SMOC2: variants seen among roughly 807,000 people sequenced by gnomAD.
SMOC2 encodes SPARC-related modular calcium-binding protein 2.
SMOC2 carries 39 observed loss-of-function variants against 61.4 expected under a neutral mutation model. That is an observed-to-expected ratio of 0.64 (90% CI 0.49 to 0.83). The LOEUF is 0.83. Ranked by LOEUF, SMOC2 falls within the 40% of genes least tolerant of loss-of-function variation. The pLI is 0.00. For synonymous variants in SMOC2, 247 were observed against 239.9 expected (o/e 1.03, Z -0.27); for missense variants, 556 against 592.9 (o/e 0.94, Z 0.65).
chr6:168,552,611 T>G (rs1045361857), intron 7 of SMOC2, among the ~76,000 whole-genome samples: 1 of 152,254 alleles, frequency 6.6e-6, no homozygotes, highest in African/African-American at 2.4e-5. Context: ...TAGCAAGATG[T>G]GGTCACATAT....
chr6:168,652,957 C>A lies in SMOC2; in HGVS notation c.1014C>A (p.Leu338=). 6.2e-7 allele frequency: 1 copy of A among 1,613,096 alleles called. No homozygotes were observed. Among genetic ancestry groups the A allele is most frequent in the Non-Finnish European group, 8.5e-7 (1 of 1,179,684 alleles). Residue 338 remains leucine, a synonymous_variant, in exon 11 of 13, where the codon CTC becomes CTA. Coordinates refer to ENST00000356284, the MANE Select transcript of SMOC2 (RefSeq NM_001166412.2). Reference sequence around the variant, plus strand: ...ACGGCATCTGTGTTCCTTCCAGGCTCTCAGAACCCGACCCCAGCCATACCC... The same window carrying A: ...ACGGCATCTGTGTTCCTTCCAGGCTATCAGAACCCGACCCCAGCCATACCC... ...ASDPSSSSGR[L]SEPDPSHTLE... is the part of the protein sequence containing the mutation.
At chr6:168,579,452 T>A (rs1784877038) in intron 7 of SMOC2, among the ~76,000 whole-genome samples, 1 of 152,162 alleles carries the variant, frequency 6.6e-6, no homozygotes, top group African/African-American at 2.4e-5. Context: ...ATGGAAACTA[T>A]TCTGATTGTT....
intron 7 of SMOC2, among the ~76,000 whole-genome samples, chr6:168,580,156 G>A (rs1389468213): frequency 1.3e-5 from 2 of 152,180 alleles, no homozygotes; most frequent in African/African-American, 4.8e-5. Context: ...TAACTTACAG[G>A]TCTATGGTTA....
intron 9 of SMOC2, among the ~76,000 whole-genome samples, chr6:168,632,493 A>G (rs1786595741): frequency 6.6e-6 from 1 of 152,216 alleles, no homozygotes; most frequent in Admixed American, 6.5e-5. Context: ...TTTTTACTGA[A>G]TAGTTTCAAA....
At chr6:168,558,974 C>T (rs779771133) in intron 7 of SMOC2, among the ~76,000 whole-genome samples, 5 of 152,116 alleles carry the variant, frequency 3.3e-5, no homozygotes, top group Non-Finnish European at 7.4e-5. Flanking sequence ...TACGTGTATG[C>T]GTGCACACAT....
At chr6:168,555,887 G>A (rs1784236976) in intron 7 of SMOC2, among the ~76,000 whole-genome samples, 1 of 152,186 alleles carries the variant, frequency 6.6e-6, no homozygotes, top group Admixed American at 6.5e-5. Context: ...GGCCGAGGCA[G>A]CACCGGGCAG....
rs115282703 is a variant in SMOC2 at position 168,536,419 on chromosome 6, A to G, written c.464-7206A>G. 5.1e-3 allele frequency among the ~76,000 whole-genome samples: 781 copies of G among 152,136 alleles called. 4 individuals carry two copies. Among genetic ancestry groups the G allele is most frequent in the South Asian group, 0.028 (133 of 4,816 alleles). On this transcript the variant is annotated intron_variant, in intron 4 of 12. Coordinates refer to ENST00000356284, the MANE Select transcript of SMOC2 (RefSeq NM_001166412.2). ...TTCAGAGGCTGACAGGAGCTGGCGG[A>G]TAAGGAGGTGGTTGGGTCCCAGGGC...
At chr6:168,493,806 A>G (rs2115034968) in intron 1 of SMOC2, among the ~76,000 whole-genome samples, 1 of 152,354 alleles carries the variant, frequency 6.6e-6, no homozygotes. Context: ...CAGCCAAGAA[A>G]ATAAATTTCA....
intron 9 of SMOC2, among the ~76,000 whole-genome samples, chr6:168,614,027 G>C (rs1378916516): frequency 2.8e-5 from 2 of 72,136 alleles, no homozygotes; most frequent in Non-Finnish European, 5.7e-5. Context: ...AGCCAGCACA[G>C]GGGGCCTCTT....
chr6:168,520,970 A>G lies in SMOC2; in HGVS notation c.257-5376A>G, dbSNP rs552116554. Among the ~76,000 whole-genome samples, 5 of 152,278 alleles carry G rather than the reference A, an allele frequency of 3.3e-5. No homozygotes were observed. The South Asian group carries it at 1.0e-3, about 32-fold the overall frequency. On this transcript the variant is annotated intron_variant, in intron 2 of 12. Transcript: ENST00000356284. Reference sequence around the variant, plus strand: ...TTGTTGCTCTCCAGATCTCTGTAAAATGTTCAGCAAAGCAATCTCTGCTGA... The same window carrying G: ...TTGTTGCTCTCCAGATCTCTGTAAAGTGTTCAGCAAAGCAATCTCTGCTGA...
At chr6:168,500,273 T>G (rs1782692850) in intron 1 of SMOC2, among the ~76,000 whole-genome samples, 2 of 107,516 alleles carry the variant, frequency 1.9e-5, no homozygotes, top group African/African-American at 3.9e-5. Context: ...GATGACAGAG[T>G]GAAACTCTGT....
intron 4 of SMOC2, among the ~76,000 whole-genome samples, chr6:168,536,332 G>T (rs1176190908): frequency 6.6e-6 from 1 of 152,090 alleles, no homozygotes; most frequent in Non-Finnish European, 1.5e-5. Flanking sequence ...GCCTGCTTGG[G>T]GTCCTGGCCT....
At chr6:168,568,757 C>CA (rs371794256) in intron 7 of SMOC2, among the ~76,000 whole-genome samples, 2 of 152,186 alleles carry the variant, frequency 1.3e-5, no homozygotes, top group African/African-American at 4.8e-5. Flanking sequence ...TCCAGAATGT[C>CA]AGAGAGTCTG....
intron 1 of SMOC2, among the ~76,000 whole-genome samples, chr6:168,455,058 A>G (rs912517649): frequency 1.3e-5 from 2 of 151,052 alleles, no homozygotes; most frequent in African/African-American, 4.9e-5. Flanking sequence ...ACAGGAGGGG[A>G]GGGCTTGTTA....
At chr6:168,470,776 T>C (rs1781952935) in intron 1 of SMOC2, among the ~76,000 whole-genome samples, 1 of 152,202 alleles carries the variant, frequency 6.6e-6, no homozygotes, top group Non-Finnish European at 1.5e-5. Flanking sequence ...ATAATTATGT[T>C]TTTAAAAAAG....
At chr6:168,623,803 G>C (rs12525366) in intron 9 of SMOC2, among the ~76,000 whole-genome samples, 1 of 151,896 alleles carries the variant, frequency 6.6e-6, no homozygotes, top group Admixed American at 6.5e-5. Context: ...AAATCACTTC[G>C]ACAGCCTCCG....
chr6:168,599,153 C>T, intron 8 of SMOC2, 149 bp downstream of exon 8: 2 of 696,550 alleles, frequency 2.9e-6, no homozygotes, highest in South Asian at 3.8e-5. Flanking sequence ...ACACACATAC[C>T]CACACACACC....
chr6:168,487,074 C>T (rs1181209393), intron 1 of SMOC2, among the ~76,000 whole-genome samples: 1 of 152,218 alleles, frequency 6.6e-6, no homozygotes, highest in African/African-American at 2.4e-5. Context: ...TTGGGCTCCT[C>T]TCCCAGCCTC....
intron 1 of SMOC2, among the ~76,000 whole-genome samples, chr6:168,447,242 A>G (rs180984798): frequency 6.8e-6 from 1 of 146,080 alleles, no homozygotes; most frequent in Non-Finnish European, 1.5e-5. Flanking sequence ...AATTTTTTGT[A>G]TTTTTTTTTT....
Sources: allele counts gnomAD v4.1 joint callset (sites outside exome capture counted in the v4.1 genomes callset), GRCh38; gene constraint gnomAD v4.1.1; transcripts MANE v1.5; gene names NCBI Gene and HGNC (gene_info 2026-07-23, HGNC 2026-07-21).